Variants in TBCA observed in about 807,000 individuals in gnomAD.
TBCA encodes the protein tubulin-specific chaperone A.
In TBCA, 6 loss-of-function variants were observed where a neutral mutation model predicts 15.8. The observed-to-expected ratio is 0.38, with a 90% CI of 0.21 to 0.75. The LOEUF (loss-of-function observed/expected upper bound fraction) is 0.75. Among genes scored for constraint, TBCA ranks in the 30% least tolerant of loss-of-function variants. The pLI, the probability that TBCA is intolerant of heterozygous loss-of-function variation, is 0.46. For missense variants in TBCA, 90 were observed against 131.2 expected (o/e 0.69, Z 1.53); for synonymous variants, 32 against 42.3 (o/e 0.76, Z 0.94).
At chr5:77,758,467 AGTG>A (rs1183976241) in intron 1 of TBCA, among the ~76,000 whole-genome samples, 1 of 152,188 alleles carries the variant, frequency 6.6e-6, no homozygotes, top group Non-Finnish European at 1.5e-5. Context: ...TGAAATCTTT[AGTG>A]TTGTGAGCCC....
intron 1 of TBCA, among the ~76,000 whole-genome samples, chr5:77,715,672 T>G (rs184466109): frequency 1.3e-5 from 2 of 152,324 alleles, no homozygotes; most frequent in Admixed American, 1.3e-4. Flanking sequence ...ATAAAAAGTC[T>G]TCTTTGGGCA....
intron 1 of TBCA, among the ~76,000 whole-genome samples, chr5:77,711,129 G>C (rs1010055414): frequency 1.3e-5 from 2 of 152,028 alleles, no homozygotes; most frequent in Non-Finnish European, 2.9e-5. Context: ...TTTTTGAATG[G>C]CTAAAAATTT....
At chr5:77,728,498 G>A (rs763966420) in intron 1 of TBCA, among the ~76,000 whole-genome samples, 3 of 152,066 alleles carry the variant, frequency 2.0e-5, no homozygotes, top group Non-Finnish European at 4.4e-5. Flanking sequence ...GGAAAGGAAA[G>A]AACCATGTAA....
chr5:77,729,084 C>T (rs1175256974), intron 1 of TBCA, among the ~76,000 whole-genome samples: 2 of 151,920 alleles, frequency 1.3e-5, no homozygotes, highest in Admixed American at 6.6e-5. Flanking sequence ...GAGGCCGAGG[C>T]GAGTGGATCA....
At chr5:77,771,538 G>A (rs920970998) in intron 1 of TBCA, among the ~76,000 whole-genome samples, 3 of 152,090 alleles carry the variant, frequency 2.0e-5, no homozygotes, top group Admixed American at 6.5e-5. Context: ...GTAAACCTCC[G>A]GCCTATTTTC....
chr5:77,771,651 C>T (rs164817), intron 1 of TBCA, among the ~76,000 whole-genome samples: 66,585 of 151,692 alleles, frequency 0.44, 14,749 homozygotes, highest in East Asian at 0.52. Flanking sequence ...CTGAAATGGC[C>T]GTCTTGCACG....
At chr5:77,692,697 T>G in intron 3 of TBCA, 17 of 987,622 alleles carry the variant, frequency 1.7e-5, no homozygotes, top group Non-Finnish European at 2.0e-5. Context: ...CTGTCTTAGA[T>G]AGTATTTTAA....
chr5:77,692,524 A>T, intron 3 of TBCA: 1 of 955,610 alleles, frequency 1.0e-6, no homozygotes, highest in Non-Finnish European at 1.2e-6. Flanking sequence ...CTGACTCGTG[A>T]TCCACCCACC....
At chr5:77,720,661 CTGAGA>C (rs1201503978) in intron 1 of TBCA, among the ~76,000 whole-genome samples, 90 of 152,222 alleles carry the variant, frequency 5.9e-4, no homozygotes, top group African/African-American at 2.0e-3. Context: ...TTGCAGTGAG[CTGAGA>C]TCACATCGCT....
At chr5:77,692,091 T>C in intron 3 of TBCA, 4 of 983,230 alleles carry the variant, frequency 4.1e-6, no homozygotes, top group Non-Finnish European at 4.8e-6. Flanking sequence ...CAGGCAACTT[T>C]TACTAATATA....
intron 1 of TBCA, among the ~76,000 whole-genome samples, chr5:77,733,466 G>A (rs1309467713): frequency 6.6e-6 from 1 of 152,182 alleles, no homozygotes; most frequent in African/African-American, 2.4e-5. Context: ...AAGCAAAACA[G>A]CCTTCTTGCT....
chr5:77,768,878 CATT>C (rs1393732899), intron 1 of TBCA, among the ~76,000 whole-genome samples: 1 of 152,160 alleles, frequency 6.6e-6, no homozygotes, highest in Non-Finnish European at 1.5e-5. Context: ...TTTAGACTGC[CATT>C]ATTAATAAAA....
intron 2 of TBCA, among the ~76,000 whole-genome samples, chr5:77,699,594 T>C (rs1185336440): frequency 6.6e-6 from 1 of 152,090 alleles, no homozygotes. Flanking sequence ...CAAAACGGAT[T>C]GAAGACTTAA....
chr5:77,735,986 T>C (rs1414961370), intron 1 of TBCA, among the ~76,000 whole-genome samples: 1 of 152,202 alleles, frequency 6.6e-6, no homozygotes, highest in Non-Finnish European at 1.5e-5. Context: ...CCCCTTACTA[T>C]GTAGCACTTA....
intron 1 of TBCA, among the ~76,000 whole-genome samples, chr5:77,749,685 C>G (rs907458036): frequency 3.3e-5 from 5 of 152,110 alleles, no homozygotes; most frequent in African/African-American, 1.2e-4. Flanking sequence ...CACATAGTAC[C>G]CTTTAAGCCG....
chr5:77,714,618 G>A (rs1055424397), intron 1 of TBCA, among the ~76,000 whole-genome samples: 1 of 149,924 alleles, frequency 6.7e-6, no homozygotes, highest in African/African-American at 2.5e-5. Context: ...CCAAGCTGGA[G>A]TGCAGTGGCG....
At chr5:77,773,802 C>G (rs1290594082) in intron 1 of TBCA, among the ~76,000 whole-genome samples, 3 of 152,200 alleles carry the variant, frequency 2.0e-5, no homozygotes, top group Admixed American at 6.5e-5. Context: ...CAGGAAGAAG[C>G]CAGTTGGTTT....
At chr5:77,750,140 C>CTA (rs142408022) in intron 1 of TBCA, among the ~76,000 whole-genome samples, 22 of 134,100 alleles carry the variant, frequency 1.6e-4, no homozygotes, top group African/African-American at 5.0e-4. Context: ...TGCTCTCTCT[C>CTA]TATATATATA....
chr5:77,754,494 G>A (rs563127318), intron 1 of TBCA, among the ~76,000 whole-genome samples: 2 of 152,144 alleles, frequency 1.3e-5, no homozygotes, highest in Non-Finnish European at 2.9e-5. Context: ...TTATTTACAA[G>A]TATTTATTCC....
Sources: allele counts gnomAD v4.1 joint callset (sites outside exome capture counted in the v4.1 genomes callset), GRCh38; gene constraint gnomAD v4.1.1; transcripts MANE v1.5; gene names NCBI Gene and HGNC (gene_info 2026-07-23, HGNC 2026-07-21).